Variants in EIPR1 observed in about 807,000 individuals in gnomAD.
EIPR1 encodes the protein EARP and GARP complex-interacting protein 1.
A neutral mutation model predicts 48.1 loss-of-function variants in EIPR1; 25 were observed. The ratio of observed to expected loss-of-function variants is 0.52; its 90% CI spans 0.38 to 0.73. EIPR1 has a LOEUF of 0.73. EIPR1 is among the 30% of genes least tolerant of loss of function. The probability of loss-of-function intolerance (pLI) is 0.00; values close to 1 mark genes in which losing one functional copy is unlikely to be tolerated. For synonymous variants in EIPR1, 204 were observed against 201.9 expected (o/e 1.01, Z -0.09); for missense variants, 415 against 506.2 (o/e 0.82, Z 1.73).
intron 4 of EIPR1, among the ~76,000 whole-genome samples, chr2:3,234,748 C>T (rs996272278): frequency 1.3e-5 from 2 of 152,270 alleles, no homozygotes; most frequent in African/African-American, 2.4e-5. Flanking sequence ...TCTGCAGTCT[C>T]TCTCCAAGCC....
At chr2:3,247,577 C>T (rs763086954) in intron 4 of EIPR1, among the ~76,000 whole-genome samples, 4 of 152,152 alleles carry the variant, frequency 2.6e-5, no homozygotes, top group African/African-American at 9.7e-5. Context: ...ATCAGGGCTC[C>T]GAAGGGCACT....
chr2:3,282,019 C>T (rs868150639), intron 3 of EIPR1, among the ~76,000 whole-genome samples: 4 of 152,170 alleles, frequency 2.6e-5, no homozygotes, highest in South Asian at 4.1e-4. Flanking sequence ...GCACTGCGTA[C>T]GTGGAAATGA....
chr2:3,368,077 A>G (rs1671020745), intron 1 of EIPR1, among the ~76,000 whole-genome samples: 1 of 152,100 alleles, frequency 6.6e-6, no homozygotes, highest in Non-Finnish European at 1.5e-5. Context: ...TTTAATCTCC[A>G]TCTTCCATTT....
chr2:3,238,905 T>C (rs955996146), intron 4 of EIPR1, among the ~76,000 whole-genome samples: 2 of 152,120 alleles, frequency 1.3e-5, no homozygotes, highest in Admixed American at 6.5e-5. Context: ...TTGGAAAAGA[T>C]TGTGTTAAGA....
chr2:3,319,313 G>C, intron 3 of EIPR1: 1 of 230,046 alleles, frequency 4.3e-6, no homozygotes, highest in Non-Finnish European at 8.9e-6. Context: ...GGCCCGGCAG[G>C]TCATTGCAAC....
intron 1 of EIPR1, among the ~76,000 whole-genome samples, chr2:3,376,368 C>T (rs567506739): frequency 6.6e-6 from 1 of 151,944 alleles, no homozygotes; most frequent in Non-Finnish European, 1.5e-5. Context: ...ATTCTACTAA[C>T]ACTGCTGCCT....
chr2:3,209,102 A>G, intron 5 of EIPR1: 1 of 1,377,416 alleles, frequency 7.3e-7, no homozygotes, highest in Non-Finnish European at 9.5e-7. Flanking sequence ...TTCTCTCACT[A>G]AGCACAACGA....
chr2:3,194,358 T>G (rs1664721368), intron 6 of EIPR1, 192 bp from the exon 7 acceptor site: 4 of 583,374 alleles, frequency 6.9e-6, no homozygotes, highest in Non-Finnish European at 1.2e-5. Flanking sequence ...CCCTGTGTGG[T>G]CGCACCACGC....
intron 3 of EIPR1, among the ~76,000 whole-genome samples, chr2:3,291,021 G>A (rs1668348482): frequency 6.6e-6 from 1 of 152,184 alleles, no homozygotes; most frequent in Non-Finnish European, 1.5e-5. Context: ...AGTAAACTGG[G>A]TCTAAAATTT....
chr2:3,257,202 G>A, intron 4 of EIPR1, 97 bp downstream of exon 4: 1 of 1,343,422 alleles, frequency 7.4e-7, no homozygotes, highest in Non-Finnish European at 1.0e-6. Context: ...CGTTTCCGAG[G>A]TGTGGACGGT....
At chr2:3,340,002 C>A (rs1326862143) in intron 2 of EIPR1, among the ~76,000 whole-genome samples, 1 of 152,210 alleles carries the variant, frequency 6.6e-6, no homozygotes, top group South Asian at 2.1e-4. Flanking sequence ...GCTCCTGCTT[C>A]GGCCATGTGA....
chr2:3,344,297 A>T (rs1450035159), intron 2 of EIPR1, among the ~76,000 whole-genome samples: 1 of 152,238 alleles, frequency 6.6e-6, no homozygotes, highest in African/African-American at 2.4e-5. Context: ...TATGCAGAAT[A>T]CTGAATACTG....
At chr2:3,221,997 TTTTG>T (rs200954596) in intron 4 of EIPR1, among the ~76,000 whole-genome samples, 2,391 of 152,264 alleles carry the variant, frequency 0.016, 74 homozygotes, top group African/African-American at 0.054. Flanking sequence ...GCGGTTTTTT[TTTTG>T]TTTGTTTCAC....
chr2:3,271,033 T>A (rs1483856830), intron 3 of EIPR1, among the ~76,000 whole-genome samples: 1 of 152,230 alleles, frequency 6.6e-6, no homozygotes, highest in African/African-American at 2.4e-5. Flanking sequence ...GTTCACAGCA[T>A]CTTCACCAGG....
chr2:3,338,550 C>T (rs1169012113), intron 2 of EIPR1, among the ~76,000 whole-genome samples: 1 of 152,130 alleles, frequency 6.6e-6, no homozygotes, highest in Non-Finnish European at 1.5e-5. Context: ...GGAGGGCAGG[C>T]GCAGCAGGGC....
intron 4 of EIPR1, among the ~76,000 whole-genome samples, chr2:3,237,085 G>A: frequency 6.6e-6 from 1 of 152,134 alleles, no homozygotes; most frequent in Non-Finnish European, 1.5e-5. Flanking sequence ...CCCAGGGAGG[G>A]ATTAGACTGA....
At chr2:3,374,141 T>C (rs1011535494) in intron 1 of EIPR1, among the ~76,000 whole-genome samples, 1 of 150,794 alleles carries the variant, frequency 6.6e-6, no homozygotes, top group Non-Finnish European at 1.5e-5. Flanking sequence ...GGATTCCCTA[T>C]TTAATAAATG....
chr2:3,367,545 T>C (rs959313665), intron 1 of EIPR1, among the ~76,000 whole-genome samples: 1 of 151,992 alleles, frequency 6.6e-6, no homozygotes, highest in Non-Finnish European at 1.5e-5. Flanking sequence ...ACGAAGAAAA[T>C]ACACAGATAT....
At chr2:3,254,578 C>G (rs1667097525) in intron 4 of EIPR1, among the ~76,000 whole-genome samples, 1 of 152,204 alleles carries the variant, frequency 6.6e-6, no homozygotes, top group African/African-American at 2.4e-5. Flanking sequence ...TCCAGGGAAT[C>G]AAGCCGAGTA....
Sources: gnomAD v4.1 joint callset for allele counts (sites outside exome capture counted in the v4.1 genomes callset) on GRCh38, gnomAD v4.1.1 for gene constraint, MANE v1.5 for transcripts, NCBI Gene and HGNC (gene_info 2026-07-23, HGNC 2026-07-21) for gene names.